Variants in FOXP1 observed in about 807,000 individuals in gnomAD.
FOXP1 encodes the protein forkhead box P1.
FOXP1 carries 15 observed loss-of-function variants against 98.2 expected under a neutral mutation model. The observed-to-expected ratio is 0.15, with a 90% CI of 0.10 to 0.24. The LOEUF (loss-of-function observed/expected upper bound fraction) is 0.24. Ranked by LOEUF, FOXP1 falls within the 10% of genes least tolerant of loss-of-function variation. The pLI is 1.00. For synonymous variants in FOXP1, 371 were observed against 314.5 expected, an observed-to-expected ratio of 1.18 and a Z score of -1.90; for missense variants, 633 against 848.5, an observed-to-expected ratio of 0.75 and a Z score of 3.15.
chr3:71,395,716 A>G (rs891119568), intron 3 of FOXP1, among the ~76,000 whole-genome samples: 3 of 152,162 alleles, frequency 2.0e-5, no homozygotes, highest in African/African-American at 7.2e-5. Flanking sequence ...TACGTACAAC[A>G]CTGCCTGGCA....
intron 20 of FOXP1, among the ~76,000 whole-genome samples, chr3:70,961,042 C>T (rs1230196546): frequency 6.6e-6 from 1 of 151,796 alleles, no homozygotes; most frequent in Non-Finnish European, 1.5e-5. Flanking sequence ...GAAGAGGTTT[C>T]ACCGTGGTCT....
intron 6 of FOXP1, among the ~76,000 whole-genome samples, chr3:71,183,453 G>A (rs2062453940): frequency 6.6e-6 from 1 of 151,884 alleles, no homozygotes; most frequent in Admixed American, 6.6e-5. Flanking sequence ...GAGCCGAGAT[G>A]GCCCCACTGC....
chr3:71,236,735 G>A (rs879902439), intron 5 of FOXP1, among the ~76,000 whole-genome samples: 1 of 151,906 alleles, frequency 6.6e-6, no homozygotes, highest in African/African-American at 2.4e-5. Context: ...TTAGCTGGGT[G>A]TGATGGTGGT....
At chr3:71,057,102 G>T (rs538905326) in intron 7 of FOXP1, among the ~76,000 whole-genome samples, 1 of 152,022 alleles carries the variant, frequency 6.6e-6, no homozygotes, top group African/African-American at 2.4e-5. Flanking sequence ...TCTGGAAAGC[G>T]GCTAAAGGCA....
intron 6 of FOXP1, among the ~76,000 whole-genome samples, chr3:71,128,108 T>C (rs1484582450): frequency 1.3e-5 from 2 of 152,144 alleles, no homozygotes; most frequent in African/African-American, 4.8e-5. Flanking sequence ...CAGTTGTGAT[T>C]TATAGGTCTT....
chr3:71,304,172 T>C (rs2074083241), intron 4 of FOXP1, among the ~76,000 whole-genome samples: 1 of 152,136 alleles, frequency 6.6e-6, no homozygotes. Flanking sequence ...CGTGGTGCAG[T>C]AAACCCCAGT....
intron 5 of FOXP1, among the ~76,000 whole-genome samples, chr3:71,257,333 T>G (rs755441700): frequency 5.9e-5 from 9 of 151,872 alleles, no homozygotes; most frequent in Non-Finnish European, 1.2e-4. Flanking sequence ...TCCCAACACT[T>G]TGGGAGGCCG....
chr3:71,196,010 G>C (rs1242677402), intron 6 of FOXP1, among the ~76,000 whole-genome samples: 1 of 152,106 alleles, frequency 6.6e-6, no homozygotes, highest in African/African-American at 2.4e-5. Context: ...CATATACTTA[G>C]GGGAGTTGAA....
intron 3 of FOXP1, among the ~76,000 whole-genome samples, chr3:71,376,928 CT>C (rs971591051): frequency 6.0e-5 from 9 of 151,254 alleles, no homozygotes; most frequent in Non-Finnish European, 8.9e-5. Flanking sequence ...CATATGTATT[CT>C]TTTTTTTTAA....
intron 5 of FOXP1, among the ~76,000 whole-genome samples, chr3:71,248,441 G>A (rs1314942779): frequency 2.0e-5 from 3 of 152,016 alleles, no homozygotes; most frequent in Admixed American, 2.0e-4. Flanking sequence ...CTAAACTGGA[G>A]GTCTAAAAAA....
chr3:71,580,719 T>TC lies in FOXP1; in HGVS notation c.-298+829dup, dbSNP rs1428181823. 7 of 929,264 alleles carry TC rather than the reference T, an allele frequency of 7.5e-6. No individual in the cohort carries two copies. In the African/African-American group the frequency reaches 1.3e-4, roughly 17 times the overall value. The allele number at this position is 929,264 out of a possible 1,614,324, so 57.6% of individuals were successfully genotyped here. A position where few individuals can be genotyped will look rare whatever the true frequency, so the allele number is the denominator to read the frequency against. The stretch of plus-strand genomic sequence containing the variant: ...AATGGAAAAATTTTGCAGCGATTCT[T>TC]CAATATATTTTCAGTAGCAGAAAAA... On this transcript the variant is annotated intron_variant, in intron 2 of 20. Coordinates refer to ENST00000649528, the MANE Select transcript of FOXP1 (RefSeq NM_001349338.3).
chr3:70,961,732 C>T (rs2033579789), intron 20 of FOXP1, among the ~76,000 whole-genome samples: 1 of 151,788 alleles, frequency 6.6e-6, no homozygotes, highest in Non-Finnish European at 1.5e-5. Flanking sequence ...GGGTCTTTGG[C>T]TCAAAAATTA....
chr3:71,015,439 C>T (rs1044674792), intron 12 of FOXP1, 110 bp downstream of exon 12: 32 of 708,054 alleles, frequency 4.5e-5, no homozygotes, highest in Non-Finnish European at 6.4e-5. Flanking sequence ...AGTCCACTCT[C>T]AAAGGGGTGA....
intron 4 of FOXP1, among the ~76,000 whole-genome samples, chr3:71,316,663 T>C (rs1359532074): frequency 6.6e-6 from 1 of 150,390 alleles, no homozygotes; most frequent in Non-Finnish European, 1.5e-5. Context: ...GCATATTCTT[T>C]TTTTTTTTTT....
At position 71,139,972 on chromosome 3, in the gene FOXP1, C is replaced by T. The variant is rs150038341; in HGVS notation, c.181-27335G>A. ...TTTAAAAAAAGACAAATTGTGTTCA[C>T]GGTGGTTGTATGCAGAACGTGTTTA... On this transcript the variant is annotated intron_variant, in intron 6 of 20. Coordinates refer to ENST00000649528, the MANE Select transcript of FOXP1 (RefSeq NM_001349338.3). Among the ~76,000 whole-genome samples, 26 of 152,054 alleles carry T rather than the reference C, an allele frequency of 1.7e-4. No homozygotes were observed. In the East Asian group the frequency reaches 4.6e-3, roughly 27 times the overall value.
intron 3 of FOXP1, among the ~76,000 whole-genome samples, chr3:71,366,556 G>C (rs182201252): frequency 6.6e-6 from 1 of 152,160 alleles, no homozygotes; most frequent in East Asian, 1.9e-4. Context: ...TTTTTCTTTA[G>C]AATTTTTTGT....
At chr3:71,021,631 CT>C (rs2045457907) in intron 11 of FOXP1, among the ~76,000 whole-genome samples, 1 of 152,206 alleles carries the variant, frequency 6.6e-6, no homozygotes, top group Admixed American at 6.5e-5. Context: ...TTCCAAAGCA[CT>C]TTATATTCTC....
intron 7 of FOXP1, among the ~76,000 whole-genome samples, chr3:71,099,134 C>T (rs2056738264): frequency 1.3e-5 from 2 of 152,200 alleles, no homozygotes; most frequent in Admixed American, 1.3e-4. Context: ...CCACATTACA[C>T]AGCTAAAACA....
At chr3:71,279,799 T>C (rs2071316102) in intron 5 of FOXP1, among the ~76,000 whole-genome samples, 1 of 152,078 alleles carries the variant, frequency 6.6e-6, no homozygotes, top group South Asian at 2.1e-4. Context: ...AAGAGAAAAC[T>C]GTTATGTGTC....
Sources: allele counts gnomAD v4.1 joint callset (sites outside exome capture counted in the v4.1 genomes callset), GRCh38; gene constraint gnomAD v4.1.1; transcripts MANE v1.5; gene names NCBI Gene and HGNC (gene_info 2026-07-23, HGNC 2026-07-21).